The following AGMO variants were observed in gnomAD, a reference collection of about 807,000 sequenced individuals.
The protein encoded by AGMO is alkylglycerol monooxygenase, also known as glyceryl-ether monooxygenase.
AGMO carries 75 observed loss-of-function variants against 60.2 expected under a neutral mutation model. That is an observed-to-expected ratio of 1.25 (90% CI 1.03 to 1.51). AGMO has a LOEUF of 1.51. AGMO is among the 40% of genes most tolerant of loss of function. The pLI, the probability that AGMO is intolerant of heterozygous loss-of-function variation, is 0.00. For missense variants in AGMO, 763 were observed against 525.5 expected (o/e 1.45, Z -4.42); for synonymous variants, 261 against 177.1 (o/e 1.47, Z -3.76).
chr7:15,310,359 CA>C (rs548595575), intron 12 of AGMO, among the ~76,000 whole-genome samples: 1 of 151,268 alleles, frequency 6.6e-6, no homozygotes, highest in Non-Finnish European at 1.5e-5. Context: ...GGGGCCCCTG[CA>C]AAAAAAATTC....
At chr7:15,322,641 A>AAT (rs10657844) in intron 12 of AGMO, among the ~76,000 whole-genome samples, 14 of 50,712 alleles carry the variant, frequency 2.8e-4, no homozygotes, top group African/African-American at 1.2e-3. Context: ...AATATATATA[A>AAT]ATATATAAAT....
At chr7:15,437,749 C>A (rs544715019) in intron 3 of AGMO, among the ~76,000 whole-genome samples, 121 of 152,182 alleles carry the variant, frequency 8.0e-4, no homozygotes, top group African/African-American at 2.6e-3. Context: ...ACCGTGTTAG[C>A]CAGGATGGTC....
chr7:15,394,171 A>AT lies in AGMO; in HGVS notation c.617dup (p.Asn206LysfsTer2). On this transcript the variant is annotated frameshift_variant, in exon 6 of 13. Transcript: ENST00000342526. LOFTEE classifies it high-confidence loss of function. Reference sequence around the variant, plus strand: ...GAATCAGTTCCAAAGGACCAAGGTTATTGATGACCTGTTTAAAACAGAAGG... The same window carrying AT: ...GAATCAGTTCCAAAGGACCAAGGTTATTTGATGACCTGTTTAAAACAGAAGG... 2 of 1,606,324 alleles carry AT rather than the reference A, an allele frequency of 1.2e-6. No homozygotes were observed. The highest frequency in any genetic ancestry group is 1.7e-6 in the Non-Finnish European group (2 of 1,173,176).
chr7:15,245,650 A>T (rs1055569267), intron 12 of AGMO, among the ~76,000 whole-genome samples: 2 of 152,010 alleles, frequency 1.3e-5, no homozygotes, highest in Non-Finnish European at 1.5e-5. Flanking sequence ...GAGTGCCTAA[A>T]GTTATGAACA....
intron 3 of AGMO, among the ~76,000 whole-genome samples, chr7:15,540,685 T>A (rs1199242895): frequency 6.6e-6 from 1 of 152,192 alleles, no homozygotes; most frequent in African/African-American, 2.4e-5. Flanking sequence ...ACTGATACAG[T>A]TAAAAACTGT....
the AGMO span, among the ~76,000 whole-genome samples, chr7:15,151,668 G>C: frequency 6.6e-6 from 1 of 152,138 alleles, no homozygotes; most frequent in South Asian, 2.1e-4. Flanking sequence ...TGATGTGAGA[G>C]TGTGATTTGC....
At chr7:15,549,835 A>G (rs1784895634) in intron 2 of AGMO, among the ~76,000 whole-genome samples, 1 of 151,550 alleles carries the variant, frequency 6.6e-6, no homozygotes, top group African/African-American at 2.4e-5. Flanking sequence ...CATCTACAGA[A>G]CTCTCCACCC....
At chr7:15,389,505 T>C (rs1021542066) in intron 8 of AGMO, among the ~76,000 whole-genome samples, 2 of 152,134 alleles carry the variant, frequency 1.3e-5, no homozygotes, top group Non-Finnish European at 2.9e-5. Flanking sequence ...AGAAATGCCA[T>C]ATAGTTGAGA....
chr7:15,197,028 A>C (rs938494461), downstream of AGMO, among the ~76,000 whole-genome samples: 1 of 151,606 alleles, frequency 6.6e-6, no homozygotes, highest in Non-Finnish European at 1.5e-5. Flanking sequence ...AAAATGTTCT[A>C]ATAATGAATA....
chr7:15,546,480 T>C lies in AGMO; in HGVS notation c.258-1557A>G, dbSNP rs564224730. Among the ~76,000 whole-genome samples the C allele has an allele frequency of 7.2e-5, 11 of 152,352 alleles. No individual in the cohort carries two copies. In the East Asian group the frequency reaches 1.9e-3, roughly 27 times the overall value. ...ATTGCTGCAGTGGCCCTGAGCCTGC[T>C]TGTGTGCCTTGCATGGGCCTGTTTG... On this transcript the variant is annotated intron_variant, in intron 2 of 12. Transcript: ENST00000342526.
the AGMO span, among the ~76,000 whole-genome samples, chr7:15,193,867 C>A: frequency 1.3e-5 from 2 of 152,066 alleles, no homozygotes; most frequent in African/African-American, 4.8e-5. Context: ...TTGATGTATT[C>A]TTTTGTATTT....
chr7:15,462,410 C>T lies in AGMO; in HGVS notation c.410-31302G>A, dbSNP rs116730286. On this transcript the variant is annotated intron_variant, in intron 3 of 12. Coordinates refer to ENST00000342526, the MANE Select transcript of AGMO (RefSeq NM_001004320.2). ...TTATTATTTTGCTGGAAAATCAGTT[C>T]TACTATTGCCAGAGACTTTTTTCCC... is the stretch of plus-strand genomic sequence containing the variant. Among the ~76,000 whole-genome samples the T allele has an allele frequency of 6.7e-3, 1,016 of 152,160 alleles. 13 individuals are homozygous for T. Among genetic ancestry groups the T allele is most frequent in the African/African-American group, 0.023 (960 of 41,518 alleles).
the AGMO span, among the ~76,000 whole-genome samples, chr7:15,189,024 G>C: frequency 6.6e-6 from 1 of 152,312 alleles, no homozygotes; most frequent in South Asian, 2.1e-4. Context: ...GCTGGAAGTA[G>C]AAGTGAGATG....
intron 12 of AGMO, among the ~76,000 whole-genome samples, chr7:15,202,005 G>A (rs924713310): frequency 6.6e-6 from 1 of 152,082 alleles, no homozygotes; most frequent in African/African-American, 2.4e-5. Flanking sequence ...TTTCCCAAAA[G>A]TAAACACTTC....
At chr7:15,541,486 A>G (rs1326367649) in intron 3 of AGMO, among the ~76,000 whole-genome samples, 1 of 152,200 alleles carries the variant, frequency 6.6e-6, no homozygotes, top group Admixed American at 6.5e-5. Flanking sequence ...AGAACTATTT[A>G]TCCTTCTATA....
chr7:15,397,721 C>G (rs1464317831), intron 5 of AGMO, among the ~76,000 whole-genome samples: 1 of 152,128 alleles, frequency 6.6e-6, no homozygotes, highest in African/African-American at 2.4e-5. Context: ...AACAGCAAAA[C>G]TTTGGATTAA....
intron 5 of AGMO, among the ~76,000 whole-genome samples, chr7:15,402,703 G>A (rs899921528): frequency 2.1e-5 from 3 of 144,274 alleles, no homozygotes; most frequent in Admixed American, 6.9e-5. Flanking sequence ...TTCAAATGCT[G>A]AACAATTACT....
chr7:15,524,531 T>A (rs920787556), intron 3 of AGMO, among the ~76,000 whole-genome samples: 1 of 152,128 alleles, frequency 6.6e-6, no homozygotes. Context: ...CCTTACTTTA[T>A]TGAATCAGTT....
intron 12 of AGMO, among the ~76,000 whole-genome samples, chr7:15,307,013 A>AC (rs1357940232): frequency 6.6e-6 from 1 of 152,084 alleles, no homozygotes; most frequent in Non-Finnish European, 1.5e-5. Flanking sequence ...TCTACACTTA[A>AC]AATTATTCAA....
Sources: gnomAD v4.1 joint callset for allele counts (sites outside exome capture counted in the v4.1 genomes callset) on GRCh38, gnomAD v4.1.1 for gene constraint, MANE v1.5 for transcripts, NCBI Gene and HGNC (gene_info 2026-07-23, HGNC 2026-07-21) for gene names.